SLC23A2: variants seen among roughly 807,000 people sequenced by gnomAD.
The protein encoded by SLC23A2 is solute carrier family 23 member 2.
A neutral mutation model predicts 73.3 loss-of-function variants in SLC23A2; 36 were observed. That is an observed-to-expected ratio of 0.49 (90% CI 0.38 to 0.65). The LOEUF is 0.65. Among genes scored for constraint, SLC23A2 ranks in the 30% least tolerant of loss-of-function variants. The pLI, the probability that SLC23A2 is intolerant of heterozygous loss-of-function variation, is 0.00. For synonymous variants in SLC23A2, 343 were observed against 327.3 expected, an observed-to-expected ratio of 1.05 and a Z score of -0.52; for missense variants, 507 against 841.6, an observed-to-expected ratio of 0.60 and a Z score of 4.92.
intron 2 of SLC23A2, among the ~76,000 whole-genome samples, chr20:4,966,726 G>T (rs1205355407): frequency 6.6e-6 from 1 of 151,548 alleles, no homozygotes; most frequent in Non-Finnish European, 1.5e-5. Context: ...GGATACCAGG[G>T]AAAGAGAAAA....
At chr20:4,876,205 A>T (rs535572787) in intron 9 of SLC23A2, among the ~76,000 whole-genome samples, 16 of 152,252 alleles carry the variant, frequency 1.1e-4, no homozygotes, top group Non-Finnish European at 2.2e-4. Flanking sequence ...GTCTGGAAAA[A>T]ATAAATGCTA....
At chr20:4,901,353 G>A (rs576681974) in intron 5 of SLC23A2, among the ~76,000 whole-genome samples, 1 of 152,262 alleles carries the variant, frequency 6.6e-6, no homozygotes, top group South Asian at 2.1e-4. Flanking sequence ...CTCGGCACCT[G>A]AGATACCTTA....
intron 2 of SLC23A2, among the ~76,000 whole-genome samples, chr20:4,946,244 G>A (rs1362094426): frequency 1.3e-5 from 2 of 152,214 alleles, no homozygotes; most frequent in South Asian, 2.1e-4. Context: ...CATCTGTAGC[G>A]AGCCCCAGGA....
chr20:4,874,061 A>C lies in SLC23A2; in HGVS notation c.977T>G (p.Leu326Arg). 1 of 1,614,102 alleles carries C rather than the reference A, an allele frequency of 6.2e-7. No homozygotes were observed. Among genetic ancestry groups the C allele is most frequent in the Non-Finnish European group, 8.5e-7 (1 of 1,179,974 alleles). ...IILAILVSWL[L>R]CFIFTVTDVF... is the part of the protein sequence containing the mutation. ...ATCTGTCACCGTGAAGATGAAGCAG[A>C]GCAGCCAGGATACCAGGATGGCCAG... The change falls in exon 11 of 17, where the codon CTC (leucine) becomes CGC (arginine). Residue 326 changes from leucine (L) to arginine (R), a missense_variant. Transcript: ENST00000338244.
intron 1 of SLC23A2, among the ~76,000 whole-genome samples, chr20:5,008,471 T>A (rs1186601149): frequency 6.6e-6 from 1 of 152,180 alleles, no homozygotes; most frequent in Non-Finnish European, 1.5e-5. Context: ...CCCAGTTCAC[T>A]CTGCAGCTCC....
At chr20:4,905,944 T>C (rs1931935176) in intron 4 of SLC23A2, among the ~76,000 whole-genome samples, 2 of 152,230 alleles carry the variant, frequency 1.3e-5, no homozygotes, top group Non-Finnish European at 2.9e-5. Context: ...AAACTGATTA[T>C]CATAAAGTAG....
rs369311302 is a variant in SLC23A2, at chr20:4,866,112, T to A, written c.1356+1658A>T. 4.7e-4 allele frequency among the ~76,000 whole-genome samples: 72 copies of A among 152,246 alleles called. 1 individual carries two copies. The East Asian group carries it at 9.3e-3, about 20-fold the overall frequency. On this transcript the variant is annotated intron_variant, in intron 13 of 16. Transcript: ENST00000338244. ...CCTCCCAAACTGCTGGGATTACAGGTGTGAGCCACCGTACCCAGCCAATAT... is the reference window on the plus strand; with the variant it reads ...CCTCCCAAACTGCTGGGATTACAGGAGTGAGCCACCGTACCCAGCCAATAT...
chr20:4,979,918 A>AT (rs1317851801), intron 1 of SLC23A2, among the ~76,000 whole-genome samples: 3 of 152,170 alleles, frequency 2.0e-5, no homozygotes, highest in Non-Finnish European at 4.4e-5. Flanking sequence ...CACGTCCTTG[A>AT]TATAAAAATA....
intron 1 of SLC23A2, among the ~76,000 whole-genome samples, chr20:4,981,793 C>G (rs943860029): frequency 6.6e-6 from 1 of 152,020 alleles, no homozygotes; most frequent in Non-Finnish European, 1.5e-5. Flanking sequence ...CCTCCACCCC[C>G]CAGGTTCAAG....
intron 1 of SLC23A2, among the ~76,000 whole-genome samples, chr20:4,992,777 T>G (rs1357995444): frequency 6.6e-6 from 1 of 151,650 alleles, no homozygotes; most frequent in African/African-American, 2.4e-5. Flanking sequence ...CCCAAAGTGC[T>G]GAGATTACAG....
chr20:4,935,014 T>C (rs2086938991), intron 2 of SLC23A2, among the ~76,000 whole-genome samples: 4 of 151,010 alleles, frequency 2.6e-5, no homozygotes, highest in Non-Finnish European at 3.0e-5. Flanking sequence ...AGTGAAGCCC[T>C]GTCTCTACTA....
chr20:5,004,415 T>C (rs1012962443), upstream of SLC23A2, among the ~76,000 whole-genome samples: 2 of 152,200 alleles, frequency 1.3e-5, no homozygotes, highest in Non-Finnish European at 2.9e-5. Context: ...TCTTGGACTG[T>C]TAACCATCGA....
intron 1 of SLC23A2, among the ~76,000 whole-genome samples, chr20:5,007,949 GC>G (rs943618339): frequency 2.0e-5 from 3 of 148,162 alleles, no homozygotes; most frequent in Non-Finnish European, 4.5e-5. Flanking sequence ...TGCTCTTGTT[GC>G]CCAGGCTAGA....
At chr20:4,997,788 G>C (rs1260807328) in intron 1 of SLC23A2, among the ~76,000 whole-genome samples, 1 of 125,774 alleles carries the variant, frequency 8.0e-6, no homozygotes, top group African/African-American at 2.8e-5. Flanking sequence ...CACGTCCAGC[G>C]AATTTTTTAT....
chr20:4,985,483 T>C (rs1325891780), intron 1 of SLC23A2, among the ~76,000 whole-genome samples: 2 of 151,720 alleles, frequency 1.3e-5, no homozygotes, highest in African/African-American at 4.8e-5. Context: ...GGTCTCGCTC[T>C]ATTGCCCAGG....
intron 6 of SLC23A2, among the ~76,000 whole-genome samples, chr20:4,887,371 T>G (rs751354718): frequency 3.9e-5 from 6 of 152,244 alleles, no homozygotes; most frequent in Non-Finnish European, 5.9e-5. Flanking sequence ...ATGGTCCAAA[T>G]GCCATCTGGT....
intron 16 of SLC23A2, among the ~76,000 whole-genome samples, chr20:4,858,463 G>A (rs1454362792): frequency 6.6e-6 from 1 of 152,174 alleles, no homozygotes; most frequent in African/African-American, 2.4e-5. Context: ...TAAATCCAGT[G>A]CCTTCCATCT....
chr20:4,976,702 C>T (rs1430024588), intron 1 of SLC23A2, among the ~76,000 whole-genome samples: 2 of 151,712 alleles, frequency 1.3e-5, no homozygotes, highest in East Asian at 1.9e-4. Context: ...CTGCCGGGCA[C>T]GGTGACTCAT....
At chr20:4,888,518 C>T (rs180811221) in intron 6 of SLC23A2, among the ~76,000 whole-genome samples, 15 of 152,316 alleles carry the variant, frequency 9.8e-5, no homozygotes, top group South Asian at 2.1e-4. Context: ...TTTGACATGA[C>T]GAGATCCCAT....
Sources: allele counts gnomAD v4.1 joint callset (sites outside exome capture counted in the v4.1 genomes callset), GRCh38; gene constraint gnomAD v4.1.1; transcripts MANE v1.5; gene names NCBI Gene and HGNC (gene_info 2026-07-23, HGNC 2026-07-21).